Variants in WWOX observed in about 807,000 individuals in gnomAD.
The protein encoded by WWOX is WW domain containing oxidoreductase, also known as WW domain-containing oxidoreductase.
WWOX carries 69 observed loss-of-function variants against 46.2 expected under a neutral mutation model. That is an observed-to-expected ratio of 1.49 (90% CI 1.23 to 1.82). The LOEUF is 1.82. Among genes scored for constraint, WWOX ranks in the 40% most tolerant of loss-of-function variants. The probability of loss-of-function intolerance (pLI) is 0.00; values close to 1 mark genes in which losing one functional copy is unlikely to be tolerated. For synonymous variants in WWOX, 359 were observed against 202.6 expected, an observed-to-expected ratio of 1.77 and a Z score of -6.56; for missense variants, 919 against 542.6, an observed-to-expected ratio of 1.69 and a Z score of -6.89.
At chr16:78,213,963 C>CA (rs541984275) in intron 5 of WWOX, among the ~76,000 whole-genome samples, 8 of 152,170 alleles carry the variant, frequency 5.3e-5, no homozygotes, top group Non-Finnish European at 1.2e-4. Context: ...CTCCCCTGTA[C>CA]AGCTGCCTCT....
Position 79,196,731 on chromosome 16 carries a change from G to A in WWOX, c.1057-14877G>A, listed in dbSNP as rs186421100. Among the ~76,000 whole-genome samples, 64 of 151,800 alleles carry A rather than the reference G, an allele frequency of 4.2e-4. No homozygotes were observed. In the East Asian group the frequency reaches 0.01, roughly 24 times the overall value. On this transcript the variant is annotated intron_variant, in intron 8 of 8. Coordinates refer to ENST00000566780, the MANE Select transcript of WWOX (RefSeq NM_016373.4). The stretch of plus-strand genomic sequence containing the variant: ...CCCCAATGAGAGACTTTTTTTTTTA[G>A]GGGGAGCCAAATTATTTGTTACAAC...
chr16:79,056,193 A>C (rs1176728071), intron 8 of WWOX, among the ~76,000 whole-genome samples: 1 of 148,488 alleles, frequency 6.7e-6, no homozygotes, highest in East Asian at 2.0e-4. Flanking sequence ...CTTTAGTGCT[A>C]AGTAATAGGC....
At chr16:78,231,615 G>A (rs1392930613) in intron 5 of WWOX, among the ~76,000 whole-genome samples, 1 of 152,144 alleles carries the variant, frequency 6.6e-6, no homozygotes, top group African/African-American at 2.4e-5. Flanking sequence ...TGTTAACGTG[G>A]CATCGGAGTA....
At chr16:78,356,574 A>G (rs1453283834) in intron 5 of WWOX, among the ~76,000 whole-genome samples, 2 of 152,134 alleles carry the variant, frequency 1.3e-5, no homozygotes, top group Non-Finnish European at 2.9e-5. Context: ...GCACTTTGAA[A>G]GACTATCACA....
intron 5 of WWOX, among the ~76,000 whole-genome samples, chr16:78,335,238 T>C (rs1292633802): frequency 1.3e-5 from 2 of 152,202 alleles, no homozygotes; most frequent in East Asian, 3.9e-4. Context: ...ATCACCTGGA[T>C]ATGAAGCCCA....
At chr16:79,091,024 G>A (rs993489730) in intron 8 of WWOX, among the ~76,000 whole-genome samples, 3 of 152,012 alleles carry the variant, frequency 2.0e-5, no homozygotes, top group African/African-American at 4.8e-5. Context: ...CTGACCTCAG[G>A]TGATCCACCC....
chr16:79,041,404 C>T (rs1215671301), intron 8 of WWOX, among the ~76,000 whole-genome samples: 1 of 152,170 alleles, frequency 6.6e-6, no homozygotes, highest in East Asian at 1.9e-4. Context: ...CCACCCACCA[C>T]GCCCCTTGCG....
intron 5 of WWOX, among the ~76,000 whole-genome samples, chr16:78,235,320 C>T (rs994864842): frequency 1.3e-5 from 2 of 152,032 alleles, no homozygotes; most frequent in African/African-American, 2.4e-5. Flanking sequence ...GTCACTTTGC[C>T]AATCTTGGTC....
chr16:78,618,316 TAAAC>T (rs771537169), intron 8 of WWOX, among the ~76,000 whole-genome samples: 10 of 152,220 alleles, frequency 6.6e-5, no homozygotes, highest in Non-Finnish European at 1.2e-4. Context: ...TCAGGTGGCT[TAAAC>T]AACAGGAATG....
intron 8 of WWOX, among the ~76,000 whole-genome samples, chr16:78,463,712 C>G (rs559570842): frequency 1.2e-4 from 19 of 152,344 alleles, no homozygotes; most frequent in African/African-American, 4.6e-4. Context: ...GGCTCTCACT[C>G]TGCTCCATAA....
rs140926079 is a variant in WWOX, at chr16:78,962,838, C to G, written c.1057-248770C>G. The stretch of plus-strand genomic sequence containing the variant: ...TCAGCATTAAGAGGTAACCACTATT[C>G]TGATTTCTATCAGCATAGTTTTCTG... On this transcript the variant is annotated intron_variant, in intron 8 of 8. Coordinates refer to ENST00000566780, the MANE Select transcript of WWOX (RefSeq NM_016373.4). 1.7e-3 allele frequency among the ~76,000 whole-genome samples: 265 copies of G among 152,286 alleles called. 1 individual carries two copies. The highest frequency in any genetic ancestry group is 6.1e-3 in the African/African-American group (253 of 41,562).
chr16:79,084,938 A>G (rs1238307015), intron 8 of WWOX, among the ~76,000 whole-genome samples: 1 of 152,040 alleles, frequency 6.6e-6, no homozygotes, highest in African/African-American at 2.4e-5. Flanking sequence ...TAATTTTGCA[A>G]TCAAAATACA....
intron 8 of WWOX, among the ~76,000 whole-genome samples, chr16:79,095,100 T>A (rs1290871996): frequency 6.6e-6 from 1 of 152,224 alleles, no homozygotes; most frequent in Non-Finnish European, 1.5e-5. Context: ...AGCCCCGTTC[T>A]ATTGCAAAGG....
At chr16:78,193,189 C>G (rs1012150572) in intron 5 of WWOX, among the ~76,000 whole-genome samples, 1 of 152,192 alleles carries the variant, frequency 6.6e-6, no homozygotes, top group Non-Finnish European at 1.5e-5. Flanking sequence ...GTAGCCAAGA[C>G]CAACAGCCAA....
chr16:78,696,907 A>G (rs2048111877), intron 8 of WWOX, among the ~76,000 whole-genome samples: 1 of 152,178 alleles, frequency 6.6e-6, no homozygotes, highest in Non-Finnish European at 1.5e-5. Flanking sequence ...AAGTGAAAAC[A>G]CACAGTGCTT....
intron 5 of WWOX, among the ~76,000 whole-genome samples, chr16:78,217,388 T>C (rs1227974920): frequency 6.6e-6 from 1 of 152,176 alleles, no homozygotes; most frequent in Non-Finnish European, 1.5e-5. Flanking sequence ...GGGAAAATGC[T>C]AAAGATATAA....
intron 8 of WWOX, among the ~76,000 whole-genome samples, chr16:78,814,226 C>G (rs1451046398): frequency 6.6e-6 from 1 of 152,104 alleles, no homozygotes; most frequent in African/African-American, 2.4e-5. Flanking sequence ...CAAAAATGTG[C>G]CTCCATCTTA....
At chr16:78,150,153 C>G (rs1487728208) in intron 4 of WWOX, among the ~76,000 whole-genome samples, 14 of 152,160 alleles carry the variant, frequency 9.2e-5, no homozygotes, top group Non-Finnish European at 1.9e-4. Context: ...TCTCCTCAGG[C>G]TTGATAATTT....
chr16:78,292,714 C>T (rs145105274), intron 5 of WWOX, among the ~76,000 whole-genome samples: 1,898 of 152,130 alleles, frequency 0.012, 22 homozygotes, highest in Middle Eastern at 0.037. Flanking sequence ...CAGGAAATTC[C>T]ATTAAGTTTA....
Sources: allele counts gnomAD v4.1 joint callset (sites outside exome capture counted in the v4.1 genomes callset), GRCh38; gene constraint gnomAD v4.1.1; transcripts MANE v1.5; gene names NCBI Gene and HGNC (gene_info 2026-07-23, HGNC 2026-07-21).